The following PDCD7 variants were observed in gnomAD, a reference collection of about 807,000 sequenced individuals.
PDCD7 encodes the protein programmed cell death protein 7.
In PDCD7, 40 loss-of-function variants were observed where a neutral mutation model predicts 42.1. The observed-to-expected ratio is 0.95, with a 90% CI of 0.74 to 1.24. The LOEUF is 1.24. Among genes scored for constraint, PDCD7 ranks in the 50% most tolerant of loss-of-function variants. The pLI is 0.00. For missense variants in PDCD7, 644 were observed against 662.8 expected, an observed-to-expected ratio of 0.97 and a Z score of 0.31; for synonymous variants, 299 against 303.3, an observed-to-expected ratio of 0.99 and a Z score of 0.15.
chr15:65,129,198 C>T, intron 1 of PDCD7, 28 bp from the exon 2 acceptor site: 2 of 1,611,382 alleles, frequency 1.2e-6, no homozygotes, highest in Non-Finnish European at 8.5e-7. Context: ...CCCATGAGAC[C>T]TCGTATTAGG....
chr15:65,120,600 C>T (rs1002495935), intron 2 of PDCD7, among the ~76,000 whole-genome samples: 17 of 152,102 alleles, frequency 1.1e-4, no homozygotes, highest in African/African-American at 3.6e-4. Context: ...CCCAGCTACT[C>T]GGGAGGCTGA....
rs1315858839 is a variant in PDCD7, at chr15:65,132,835, TG to T, written c.870+76del. Reference sequence around the variant, plus strand: ...AAAACAGAGGCTTAGCCCTGGGAAATGGAAGTTTAAAGCCTCCTGCTGCTCC... The same window carrying T: ...AAAACAGAGGCTTAGCCCTGGGAAATGAAGTTTAAAGCCTCCTGCTGCTCC... On this transcript the variant is annotated intron_variant, in intron 1 of 4. Coordinates refer to ENST00000204549, the MANE Select transcript of PDCD7 (RefSeq NM_005707.2). 3.7e-5 allele frequency: 59 copies of T among 1,577,212 alleles called. No individual in the cohort carries two copies. The Admixed American group carries it at 4.4e-4, about 12-fold the overall frequency.
At chr15:65,131,745 A>C (rs1284026343) in intron 1 of PDCD7, among the ~76,000 whole-genome samples, 1 of 152,084 alleles carries the variant, frequency 6.6e-6, no homozygotes, top group Non-Finnish European at 1.5e-5. Flanking sequence ...GCGAAACTCC[A>C]TCTCAAAAAA....
In PDCD7 at chr15:65,129,024, A is replaced by C. The variant is rs1023214115; in HGVS notation, c.1009+8T>G. On this transcript the variant is annotated splice_region_variant and intron_variant, in intron 2 of 4. Transcript: ENST00000204549. ...GGAACAAGGAAAGAAATGCAAAGCC[A>C]CAGTTACCTTTCCTCGCTGCAGCCT... is the stretch of plus-strand genomic sequence containing the variant. The C allele has an allele frequency of 7.4e-6, 12 of 1,613,936 alleles. No individual in the cohort carries two copies. The African/African-American group carries it at 1.3e-4, about 18-fold the overall frequency.
Position 65,133,533 on chromosome 15 carries a change from C to T in PDCD7, c.249G>A (p.Val83=), listed in dbSNP as rs1234013846. The change falls in exon 1 of 5, where the codon GTG becomes GTA. Residue 83 remains valine, a synonymous_variant. Transcript: ENST00000204549. ...GGGGAGAFYP[V]PPPPLPPPPP... ...GCGGAGGAGGCAGCGGCGGTGGTGG[C>T]ACCGGGTAGAAGGCGCCAGCGCCGC... 4.1e-6 allele frequency: 5 copies of T among 1,228,066 alleles called. No individual in the cohort carries two copies. The highest frequency in any genetic ancestry group is 1.6e-5 in the African/African-American group (1 of 64,058). The allele number at this position is 1,228,066 out of a possible 1,614,324, so 76.1% of individuals were successfully genotyped here.
rs750493393 is a variant in PDCD7, at chr15:65,133,168, C to A, written c.614G>T (p.Trp205Leu). Reference sequence around the variant, plus strand: ...CGCGGTCTGGGAGTACAGCAGGACCCAGGCCGCGCCGTCGGCTTCGGCCTC... The same window carrying A: ...CGCGGTCTGGGAGTACAGCAGGACCAAGGCCGCGCCGTCGGCTTCGGCCTC... ...LREAEADGAA[W>L]VLLYSQTAPL... The change falls in exon 1 of 5, where the codon TGG becomes TTG. Residue 205 changes from tryptophan to leucine, a missense_variant. Physicochemically the swap from Trp to Leu is moderately conservative, Grantham distance 61. Coordinates refer to ENST00000204549, the MANE Select transcript of PDCD7 (RefSeq NM_005707.2). 6 of 1,466,116 alleles carry A rather than the reference C, an allele frequency of 4.1e-6. No individual in the cohort carries two copies. In the Admixed American group the frequency reaches 1.3e-4, roughly 32 times the overall value. 90.8% of individuals were successfully genotyped at this position (1,466,116 alleles called of 1,614,324 possible).
intron 2 of PDCD7, among the ~76,000 whole-genome samples, chr15:65,127,851 G>A (rs1351295746): frequency 6.6e-6 from 1 of 152,230 alleles, no homozygotes; most frequent in Non-Finnish European, 1.5e-5. Flanking sequence ...GATGTGAGGT[G>A]TGGGAATATT....
chr15:65,120,983 C>A (rs1198069591), intron 2 of PDCD7, among the ~76,000 whole-genome samples: 1 of 151,892 alleles, frequency 6.6e-6, no homozygotes, highest in South Asian at 2.1e-4. Flanking sequence ...TTCAATTACT[C>A]TGACCCTACC....
intron 2 of PDCD7, 31 bp from the exon 3 acceptor site, chr15:65,119,985 TTA>T: frequency 1.3e-6 from 2 of 1,585,402 alleles, no homozygotes; most frequent in South Asian, 2.4e-5. Context: ...GGCATTTTAT[TTA>T]TTTTTTTTTT....
At chr15:65,119,977 C>A (rs780783956) in intron 2 of PDCD7, 23 bp from the exon 3 acceptor site, 2 of 1,585,468 alleles carry the variant, frequency 1.3e-6, no homozygotes, top group African/African-American at 2.8e-5. Flanking sequence ...GACAAAATGG[C>A]ATTTTATTTA....
chr15:65,132,137 T>C (rs1452643758), intron 1 of PDCD7, among the ~76,000 whole-genome samples: 1 of 149,376 alleles, frequency 6.7e-6, no homozygotes, highest in Non-Finnish European at 1.5e-5. Flanking sequence ...TATATATATA[T>C]ATATATAGTA....
Position 65,118,594 on chromosome 15 carries a change from G to A in PDCD7, c.*123C>T. 1 of 998,290 alleles carries A rather than the reference G, an allele frequency of 1.0e-6. No individual in the cohort carries two copies. The highest frequency in any genetic ancestry group is 1.4e-6 in the Non-Finnish European group (1 of 704,634). The allele number at this position is 998,290 out of a possible 1,614,324, so 61.8% of individuals were successfully genotyped here. ...AGCACAGAAGGAAAGCATAACTTCA[G>A]GGTAGGGGAATGCCACATGGAATTT... On this transcript the variant is annotated 3_prime_UTR_variant, in exon 5 of 5. Transcript: ENST00000204549.
intron 1 of PDCD7, among the ~76,000 whole-genome samples, chr15:65,130,626 T>C (rs2087532101): frequency 6.6e-6 from 1 of 152,190 alleles, no homozygotes; most frequent in Admixed American, 6.5e-5. Context: ...TCCATTTGGA[T>C]TACTCTGTTT....
chr15:65,121,542 T>C (rs1275112152), intron 2 of PDCD7, among the ~76,000 whole-genome samples: 1 of 152,224 alleles, frequency 6.6e-6, no homozygotes, highest in Non-Finnish European at 1.5e-5. Context: ...GTGAGGAAGA[T>C]ACACTTAAAA....
rs182507986 is a variant in PDCD7, at chr15:65,119,670, C to T, written c.1246+48G>A. ...TTGAGATCACCCGTGATGAGAAGAG[C>T]GTCAATCTAGTATTTTCATTTTCTC... On this transcript the variant is annotated intron_variant, in intron 3 of 4. Transcript: ENST00000204549. The T allele has an allele frequency of 1.4e-4, 212 of 1,561,302 alleles. 1 individual carries two copies. In the African/African-American group the frequency reaches 2.5e-3, roughly 18 times the overall value.
chr15:65,123,389 T>C (rs112110195), intron 2 of PDCD7, among the ~76,000 whole-genome samples: 1 of 152,304 alleles, frequency 6.6e-6, no homozygotes, highest in African/African-American at 2.4e-5. Flanking sequence ...TGTTTCACCA[T>C]GTTGGCCAGG....
chr15:65,132,820 C>G, intron 1 of PDCD7, 92 bp downstream of exon 1: 1 of 1,559,196 alleles, frequency 6.4e-7, no homozygotes, highest in Non-Finnish European at 8.7e-7. Flanking sequence ...AAAACAGAGG[C>G]TTAGCCCTGG....
chr15:65,128,141 G>A (rs1359331637), intron 2 of PDCD7, among the ~76,000 whole-genome samples: 4 of 152,182 alleles, frequency 2.6e-5, no homozygotes, highest in South Asian at 4.1e-4. Context: ...CAACACATGG[G>A]AAATCATTTG....
chr15:65,119,643 G>C, intron 3 of PDCD7, 75 bp downstream of exon 3: 3 of 1,489,914 alleles, frequency 2.0e-6, no homozygotes, highest in Non-Finnish European at 2.8e-6. Context: ...CCACCTCTTA[G>C]CTTGAGATCA....
Sources: gnomAD v4.1 joint callset for allele counts (sites outside exome capture counted in the v4.1 genomes callset) on GRCh38, gnomAD v4.1.1 for gene constraint, MANE v1.5 for transcripts, NCBI Gene and HGNC (gene_info 2026-07-23, HGNC 2026-07-21) for gene names.